Variants in ADAMTSL1 observed in about 807,000 individuals in gnomAD.
ADAMTSL1 encodes the protein ADAMTS-like protein 1.
Under a neutral mutation model 201.8 loss-of-function variants are expected in ADAMTSL1, and 126 were observed. The observed-to-expected ratio is 0.62, with a 90% CI of 0.54 to 0.72. The LOEUF (loss-of-function observed/expected upper bound fraction) is 0.72, where lower values mean the gene tolerates loss of function less well. Among genes scored for constraint, ADAMTSL1 ranks in the 30% least tolerant of loss-of-function variants. ADAMTSL1 has a pLI of 0.00. For synonymous variants in ADAMTSL1, 1,121 were observed against 903.4 expected, an observed-to-expected ratio of 1.24 and a Z score of -4.32; for missense variants, 2,679 against 2,277.8, an observed-to-expected ratio of 1.18 and a Z score of -3.59.
At chr9:18,562,564 G>A (rs895265249) in intron 3 of ADAMTSL1, among the ~76,000 whole-genome samples, 2 of 152,160 alleles carry the variant, frequency 1.3e-5, no homozygotes, top group East Asian at 3.8e-4. Flanking sequence ...ATGTTGGCCT[G>A]TCTTGCTAGG....
intron 1 of ADAMTSL1, among the ~76,000 whole-genome samples, chr9:18,489,331 G>A (rs900246771): frequency 3.3e-5 from 5 of 152,298 alleles, no homozygotes; most frequent in African/African-American, 1.2e-4. Context: ...AGGAACTCCT[G>A]TAGTCAATGT....
chr9:18,697,824 G>T (rs1304684684), intron 13 of ADAMTSL1, among the ~76,000 whole-genome samples: 2 of 152,144 alleles, frequency 1.3e-5, no homozygotes, highest in South Asian at 4.1e-4. Context: ...AGACGATAGG[G>T]TTACTGAAGG....
intron 2 of ADAMTSL1, among the ~76,000 whole-genome samples, chr9:18,431,396 A>G (rs1241580777): frequency 6.6e-6 from 1 of 152,206 alleles, no homozygotes; most frequent in Non-Finnish European, 1.5e-5. Flanking sequence ...TCTCTCTTAG[A>G]CTAAGCTTGT....
At chr9:18,622,465 C>A in intron 5 of ADAMTSL1, 96 bp downstream of exon 5, 1 of 1,544,678 alleles carries the variant, frequency 6.5e-7, no homozygotes, top group Non-Finnish European at 8.8e-7. Context: ...ACAACACCTC[C>A]ACCAAAACGA....
At chr9:18,302,868 G>A (rs1327569594) in intron 2 of ADAMTSL1, among the ~76,000 whole-genome samples, 9 of 152,082 alleles carry the variant, frequency 5.9e-5, no homozygotes, top group African/African-American at 2.2e-4. Flanking sequence ...TTTATATTTT[G>A]GTTGTTACTT....
intron 2 of ADAMTSL1, among the ~76,000 whole-genome samples, chr9:18,308,383 C>T (rs568714812): frequency 6.6e-6 from 1 of 152,012 alleles, no homozygotes; most frequent in Non-Finnish European, 1.5e-5. Context: ...AAAAACCCTT[C>T]AAAAAATCAA....
At chr9:18,653,713 A>T (rs10963710) in intron 7 of ADAMTSL1, among the ~76,000 whole-genome samples, 9,381 of 152,194 alleles carry the variant, frequency 0.062, 355 homozygotes, top group Middle Eastern at 0.14. Context: ...AAACTAGAAA[A>T]CTCTATAAGA....
chr9:18,244,017 T>C (rs977897082), intron 2 of ADAMTSL1, among the ~76,000 whole-genome samples: 1 of 152,094 alleles, frequency 6.6e-6, no homozygotes, highest in African/African-American at 2.4e-5. Context: ...TTTTTCCTTT[T>C]TTTACCAACT....
intron 2 of ADAMTSL1, among the ~76,000 whole-genome samples, chr9:18,261,027 T>TG (rs1554646606): frequency 1.7e-5 from 2 of 118,468 alleles, no homozygotes; most frequent in African/African-American, 2.8e-5. Flanking sequence ...TTTTTTTTTT[T>TG]TGTGTGTCCT....
chr9:18,025,517 C>A (rs1200090914), intron 1 of ADAMTSL1, among the ~76,000 whole-genome samples: 1 of 152,010 alleles, frequency 6.6e-6, no homozygotes, highest in Non-Finnish European at 1.5e-5. Flanking sequence ...AGAGTCCTTT[C>A]CCCATTGCCT....
At chr9:18,513,317 C>G (rs1818150378) in intron 2 of ADAMTSL1, among the ~76,000 whole-genome samples, 1 of 152,156 alleles carries the variant, frequency 6.6e-6, no homozygotes, top group Non-Finnish European at 1.5e-5. Flanking sequence ...CTCCCTCCGC[C>G]GCAACCTCTG....
intron 1 of ADAMTSL1, among the ~76,000 whole-genome samples, chr9:18,021,681 T>C (rs555431409): frequency 6.6e-6 from 1 of 152,304 alleles, no homozygotes; most frequent in East Asian, 1.9e-4. Context: ...TGATTGTATT[T>C]AAAAGGAGAT....
intron 14 of ADAMTSL1, among the ~76,000 whole-genome samples, chr9:18,708,424 A>G (rs1418589418): frequency 1.3e-5 from 2 of 152,206 alleles, no homozygotes; most frequent in Admixed American, 6.5e-5. Flanking sequence ...AATTCTTCCA[A>G]ATGATTCCGG....
At chr9:18,340,547 A>G (rs151178114) in intron 2 of ADAMTSL1, among the ~76,000 whole-genome samples, 1 of 152,058 alleles carries the variant, frequency 6.6e-6, no homozygotes, top group East Asian at 1.9e-4. Context: ...TAAGTCTATG[A>G]TATGTTTTGT....
intron 2 of ADAMTSL1, among the ~76,000 whole-genome samples, chr9:18,174,110 C>G (rs1828030597): frequency 6.6e-6 from 1 of 152,032 alleles, no homozygotes; most frequent in Non-Finnish European, 1.5e-5. Flanking sequence ...TTATATTATA[C>G]CTCAGAAAAC....
rs1828778043 is a variant in ADAMTSL1 at position 18,657,619 on chromosome 9, T to C, written c.835-20T>C. On this transcript the variant is annotated intron_variant, in intron 7 of 28. Transcript: ENST00000380548. ...CACCGCACTGTCACATTACTTCTAC[T>C]TTCCTGTTGACTCCTGCAGATTCGT... The C allele has an allele frequency of 6.3e-7, 1 of 1,590,732 alleles. No homozygotes were observed.
rs1201588613 is a variant in ADAMTSL1, at chr9:18,680,610, ACT to A, written c.1341+97_1341+98del. The A allele has an allele frequency of 2.1e-6, 3 of 1,399,680 alleles. No homozygotes were observed. In the African/African-American group the frequency reaches 4.2e-5, roughly 20 times the overall value. 86.7% of individuals were successfully genotyped at this position (1,399,680 alleles called of 1,614,324 possible). Reference sequence around the variant, plus strand: ...CACCGGGTACCCTGAGCAGCTCCACACTCTTCTTGAGGTGTCTAGAAGCCTAC... The same window carrying A: ...CACCGGGTACCCTGAGCAGCTCCACACTTCTTGAGGTGTCTAGAAGCCTAC... On this transcript the variant is annotated intron_variant, in intron 11 of 28. Coordinates refer to ENST00000380548, the MANE Select transcript of ADAMTSL1 (RefSeq NM_001040272.6).
At chr9:18,091,032 A>G (rs1823989769) in intron 1 of ADAMTSL1, among the ~76,000 whole-genome samples, 1 of 150,920 alleles carries the variant, frequency 6.6e-6, no homozygotes, top group Non-Finnish European at 1.5e-5. Flanking sequence ...ACTTGAAAGA[A>G]TCTTTAGTTA....
At chr9:18,211,582 C>A (rs2132318033) in intron 2 of ADAMTSL1, among the ~76,000 whole-genome samples, 1 of 152,322 alleles carries the variant, frequency 6.6e-6, no homozygotes, top group Non-Finnish European at 1.5e-5. Flanking sequence ...GACCACATGT[C>A]CCCACTCAGC....
Sources: gnomAD v4.1 joint callset for allele counts (sites outside exome capture counted in the v4.1 genomes callset) on GRCh38, gnomAD v4.1.1 for gene constraint, MANE v1.5 for transcripts, NCBI Gene and HGNC (gene_info 2026-07-23, HGNC 2026-07-21) for gene names.